ATP8A2: variants seen among roughly 807,000 people sequenced by gnomAD.
ATP8A2 encodes the protein ATPase phospholipid transporting 8A2.
A neutral mutation model predicts 165.6 loss-of-function variants in ATP8A2; 100 were observed. The observed-to-expected ratio is 0.60, with a 90% CI of 0.51 to 0.71. The LOEUF (loss-of-function observed/expected upper bound fraction) is 0.71, where lower values mean the gene tolerates loss of function less well. Among genes scored for constraint, ATP8A2 ranks in the 30% least tolerant of loss-of-function variants. The pLI, the probability that ATP8A2 is intolerant of heterozygous loss-of-function variation, is 0.00. For missense variants in ATP8A2, 1,227 were observed against 1,479.5 expected (o/e 0.83, Z 2.80); for synonymous variants, 543 against 548.8 (o/e 0.99, Z 0.15).
intron 33 of ATP8A2, among the ~76,000 whole-genome samples, chr13:25,905,091 C>T (rs1026007361): frequency 1.3e-5 from 2 of 151,614 alleles, no homozygotes; most frequent in African/African-American, 2.4e-5. Context: ...AGGGAGAGCA[C>T]GTCACCCATT....
intron 16 of ATP8A2, among the ~76,000 whole-genome samples, chr13:25,568,767 G>A (rs1014185275): frequency 1.2e-4 from 18 of 152,148 alleles, no homozygotes; most frequent in African/African-American, 3.9e-4. Context: ...TAGATATTAC[G>A]TGTATAGTTT....
chr13:25,500,493 T>C (rs1433763682), intron 2 of ATP8A2, among the ~76,000 whole-genome samples: 1 of 152,208 alleles, frequency 6.6e-6, no homozygotes, highest in Admixed American at 6.5e-5. Context: ...TGTGGAGTGC[T>C]CATACAGTGT....
At position 25,657,052 on chromosome 13, in the gene ATP8A2, CAAAAAAAAAAA is replaced by C. The variant is rs57955107; in HGVS notation, c.2212-42102_2212-42092del. Among the ~76,000 whole-genome samples the C allele has an allele frequency of 8.1e-3, 551 of 67,750 alleles. 4 individuals are homozygous for C. The highest frequency in any genetic ancestry group is 0.03 in the African/African-American group (496 of 16,646). 44.4% of individuals were successfully genotyped at this position (67,750 alleles called of 152,430 possible). A position where few individuals can be genotyped will look rare whatever the true frequency, so the allele number is the denominator to read the frequency against. On this transcript the variant is annotated intron_variant, in intron 24 of 36. Coordinates refer to ENST00000381655, the MANE Select transcript of ATP8A2 (RefSeq NM_016529.6). ...TGGGTGACAGATCGAGACTCTGTCT[CAAAAAAAAAAA>C]AAAAAAAAAAAAAAAAAAGACAGAT...
chr13:25,435,657 C>T lies in ATP8A2; in HGVS notation c.77-33320C>T, dbSNP rs545325260. Among the ~76,000 whole-genome samples the T allele has an allele frequency of 6.0e-5, 9 of 150,528 alleles. No homozygotes were observed. The East Asian group carries it at 1.8e-3, about 29-fold the overall frequency. On this transcript the variant is annotated intron_variant, in intron 1 of 36. Transcript: ENST00000381655. ...ACGTGTTGTTCTTTTTCTTTTCTTT[C>T]TTTTTTTTTGCCTTATTTGCACAGT... is the stretch of plus-strand genomic sequence containing the variant.
At chr13:25,879,641 G>A (rs1952919695) in intron 33 of ATP8A2, among the ~76,000 whole-genome samples, 1 of 152,138 alleles carries the variant, frequency 6.6e-6, no homozygotes, top group Admixed American at 6.5e-5. Flanking sequence ...AGTGCTGGCA[G>A]GCGCATCTGA....
chr13:25,968,575 A>T lies in ATP8A2; in HGVS notation c.3273A>T (p.Ala1091=). The change falls in exon 35 of 37, where the codon GCA becomes GCT. Residue 1091 remains alanine (A), a splice_region_variant and synonymous_variant. Coordinates refer to ENST00000381655, the MANE Select transcript of ATP8A2 (RefSeq NM_016529.6). The part of the protein sequence containing the change: ...ACLIEDVAWR[A]AKHTCKKTLL... The stretch of plus-strand genomic sequence containing the variant: ...GTTTTGTCTTTTCCTCATAACACAG[A>T]GCCAAGCACACCTGCAAAAAGACAT... 6.2e-7 allele frequency: 1 copy of T among 1,613,164 alleles called. No homozygotes were observed. Among genetic ancestry groups the T allele is most frequent in the Non-Finnish European group, 8.5e-7 (1 of 1,179,754 alleles).
intron 1 of ATP8A2, among the ~76,000 whole-genome samples, chr13:25,438,245 A>G (rs2034834191): frequency 6.6e-6 from 1 of 152,148 alleles, no homozygotes; most frequent in African/African-American, 2.4e-5. Context: ...GCCTTCTCTT[A>G]TTTTCAAAAA....
At chr13:25,444,644 T>TTG (rs921806585) in intron 1 of ATP8A2, among the ~76,000 whole-genome samples, 91 of 152,004 alleles carry the variant, frequency 6.0e-4, no homozygotes, top group African/African-American at 2.2e-3. Flanking sequence ...TGTTTTTTTT[T>TTG]TTTGTTTTGT....
intron 1 of ATP8A2, among the ~76,000 whole-genome samples, chr13:25,413,081 G>A (rs2034018737): frequency 1.3e-5 from 2 of 152,142 alleles, no homozygotes; most frequent in South Asian, 2.1e-4. Context: ...ATCTCCCAAA[G>A]TGCTGGGATT....
At chr13:25,486,896 G>C (rs941221378) in intron 2 of ATP8A2, among the ~76,000 whole-genome samples, 5 of 152,200 alleles carry the variant, frequency 3.3e-5, no homozygotes, top group Admixed American at 1.3e-4. Context: ...AGCCTGGGGG[G>C]TGGAGGTTAA....
intron 24 of ATP8A2, among the ~76,000 whole-genome samples, chr13:25,596,044 C>T (rs866192159): frequency 2.6e-5 from 4 of 152,176 alleles, no homozygotes; most frequent in Non-Finnish European, 2.9e-5. Context: ...CTGCATATGT[C>T]GGGCTGCTAT....
At chr13:25,543,458 A>G (rs911442952) in intron 10 of ATP8A2, 56 bp downstream of exon 10, 1 of 1,197,694 alleles carries the variant, frequency 8.3e-7, no homozygotes, top group Non-Finnish European at 1.2e-6. Flanking sequence ...TTTATTGACT[A>G]GAAGGTGGAA....
At chr13:25,819,896 G>A (rs1446597321) in intron 27 of ATP8A2, among the ~76,000 whole-genome samples, 1 of 152,156 alleles carries the variant, frequency 6.6e-6, no homozygotes, top group Non-Finnish European at 1.5e-5. Context: ...TATCAGCCCA[G>A]ACCTGATATG....
intron 29 of ATP8A2, among the ~76,000 whole-genome samples, chr13:25,838,198 G>A (rs1453065623): frequency 6.6e-6 from 1 of 152,188 alleles, no homozygotes; most frequent in African/African-American, 2.4e-5. Flanking sequence ...GAAGGACACA[G>A]GGAGTCACCT....
At chr13:25,691,171 G>A (rs2042716178) in intron 24 of ATP8A2, among the ~76,000 whole-genome samples, 1 of 152,188 alleles carries the variant, frequency 6.6e-6, no homozygotes, top group Non-Finnish European at 1.5e-5. Context: ...GTAGATGAAA[G>A]GTCAGCAGGG....
chr13:25,426,839 G>T (rs190732833), intron 1 of ATP8A2, among the ~76,000 whole-genome samples: 2 of 152,064 alleles, frequency 1.3e-5, no homozygotes, highest in Non-Finnish European at 2.9e-5. Flanking sequence ...CCAGCTACTC[G>T]GGAGGCTGAG....
intron 1 of ATP8A2, among the ~76,000 whole-genome samples, chr13:25,375,887 A>G (rs2032607110): frequency 6.6e-6 from 1 of 152,092 alleles, no homozygotes; most frequent in African/African-American, 2.4e-5. Flanking sequence ...CAAACCTTCT[A>G]GAAACTGCCC....
chr13:25,952,003 A>G (rs1955379859), intron 33 of ATP8A2, among the ~76,000 whole-genome samples: 1 of 152,198 alleles, frequency 6.6e-6, no homozygotes, highest in South Asian at 2.1e-4. Flanking sequence ...TGTCCTAGAC[A>G]TACCAGTGGC....
chr13:25,499,829 A>G (rs1473071111), intron 2 of ATP8A2, among the ~76,000 whole-genome samples: 1 of 152,236 alleles, frequency 6.6e-6, no homozygotes, highest in Non-Finnish European at 1.5e-5. Flanking sequence ...AACAGGAGAC[A>G]TAAGGAAAAG....
Sources: gnomAD v4.1 joint callset for allele counts (sites outside exome capture counted in the v4.1 genomes callset) on GRCh38, gnomAD v4.1.1 for gene constraint, MANE v1.5 for transcripts, NCBI Gene and HGNC (gene_info 2026-07-23, HGNC 2026-07-21) for gene names.